CSMD1: variants seen among roughly 807,000 people sequenced by gnomAD.
The protein encoded by CSMD1 is CUB and sushi domain-containing protein 1.
In CSMD1, 213 loss-of-function variants were observed where a neutral mutation model predicts 417.5. That is an observed-to-expected ratio of 0.51 (90% CI 0.46 to 0.57). The LOEUF (loss-of-function observed/expected upper bound fraction) is 0.57, where lower values mean the gene tolerates loss of function less well. Among genes scored for constraint, CSMD1 ranks in the 20% least tolerant of loss-of-function variants. The pLI is 0.00. For synonymous variants in CSMD1, 2,862 were observed against 1,736.8 expected (o/e 1.65, Z -16.11); for missense variants, 6,923 against 4,529.7 (o/e 1.53, Z -15.17).
intron 2 of CSMD1, among the ~76,000 whole-genome samples, chr8:4,597,935 AT>A (rs1337570267): frequency 6.6e-6 from 1 of 152,032 alleles, no homozygotes; most frequent in African/African-American, 2.4e-5. Flanking sequence ...TGCTCTTATA[AT>A]AAACATCATT....
rs1797007366 is a variant in CSMD1, at chr8:3,201,822, A to T, written c.4985-97T>A. On this transcript the variant is annotated intron_variant, in intron 31 of 69. Coordinates refer to ENST00000635120, the MANE Select transcript of CSMD1 (RefSeq NM_033225.6). Reference sequence around the variant, plus strand: ...GAATATCTATTAATTGCCCCAATGGATCATTATCCTAAGAATTTGGTAAAA... The same window carrying T: ...GAATATCTATTAATTGCCCCAATGGTTCATTATCCTAAGAATTTGGTAAAA... 14 of 520,972 alleles carry T rather than the reference A, an allele frequency of 2.7e-5. No individual in the cohort carries two copies. The South Asian group carries it at 3.6e-4, about 13-fold the overall frequency. 32.3% of individuals were successfully genotyped at this position (520,972 alleles called of 1,614,324 possible).
At chr8:3,461,074 C>G (rs769894164) in intron 12 of CSMD1, among the ~76,000 whole-genome samples, 1 of 152,182 alleles carries the variant, frequency 6.6e-6, no homozygotes, top group Non-Finnish European at 1.5e-5. Context: ...CGACTCTTTC[C>G]CTTGCATGGG....
intron 3 of CSMD1, among the ~76,000 whole-genome samples, chr8:4,107,481 G>T (rs1263372619): frequency 6.6e-5 from 10 of 152,194 alleles, no homozygotes; most frequent in Non-Finnish European, 8.8e-5. Context: ...AAGTGAAACG[G>T]ATATTTCAAA....
chr8:4,175,962 C>G (rs1349456840), intron 3 of CSMD1, among the ~76,000 whole-genome samples: 2 of 152,142 alleles, frequency 1.3e-5, no homozygotes, highest in Non-Finnish European at 2.9e-5. Flanking sequence ...CATGGGGCAG[C>G]TGGGCTTCTC....
chr8:4,421,352 T>A (rs1725127), intron 2 of CSMD1, among the ~76,000 whole-genome samples: 2,895 of 152,282 alleles, frequency 0.019, 82 homozygotes, highest in African/African-American at 0.065. Flanking sequence ...ATATTTATAG[T>A]ACACTTTACC....
chr8:3,214,076 C>A (rs1797757862), intron 30 of CSMD1, among the ~76,000 whole-genome samples: 1 of 151,936 alleles, frequency 6.6e-6, no homozygotes. Context: ...GAACTCCTAA[C>A]CTCGCGATCC....
At chr8:2,998,798 CCATCATT>C (rs149305951) in intron 53 of CSMD1, among the ~76,000 whole-genome samples, 91 of 152,254 alleles carry the variant, frequency 6.0e-4, no homozygotes, top group Non-Finnish European at 1.0e-3. Context: ...GGAGAGATAT[CCATCATT>C]CACCCTTTCA....
intron 1 of CSMD1, among the ~76,000 whole-genome samples, chr8:4,942,223 G>C (rs1010894998): frequency 2.0e-5 from 3 of 151,888 alleles, no homozygotes; most frequent in African/African-American, 7.3e-5. Context: ...TATAAACCAG[G>C]CTTCACTCTT....
chr8:3,366,535 T>C (rs1247572275), intron 20 of CSMD1, among the ~76,000 whole-genome samples: 1 of 152,218 alleles, frequency 6.6e-6, no homozygotes, highest in African/African-American at 2.4e-5. Flanking sequence ...GTATTTTTTG[T>C]CATTGCATAT....
intron 3 of CSMD1, among the ~76,000 whole-genome samples, chr8:4,367,013 A>G (rs144529959): frequency 5.3e-5 from 8 of 152,220 alleles, no homozygotes; most frequent in African/African-American, 1.7e-4. Flanking sequence ...TACTCTGTTG[A>G]TAACTTCTTT....
chr8:4,345,728 G>A (rs1313645659), intron 3 of CSMD1, among the ~76,000 whole-genome samples: 2 of 152,030 alleles, frequency 1.3e-5, no homozygotes, highest in African/African-American at 2.4e-5. Flanking sequence ...GAATTATCAA[G>A]AAAATGCAAA....
intron 2 of CSMD1, among the ~76,000 whole-genome samples, chr8:4,477,442 C>A (rs541481674): frequency 2.0e-5 from 3 of 152,180 alleles, no homozygotes; most frequent in Admixed American, 6.5e-5. Context: ...GAAACTGAGT[C>A]TGGTAAAACA....
At chr8:4,402,076 C>G (rs1450949223) in intron 3 of CSMD1, among the ~76,000 whole-genome samples, 1 of 152,060 alleles carries the variant, frequency 6.6e-6, no homozygotes, top group African/African-American at 2.4e-5. Context: ...CCATGGCTTC[C>G]TTTGTTCTCA....
At chr8:4,585,804 T>C (rs1272133020) in intron 2 of CSMD1, among the ~76,000 whole-genome samples, 1 of 152,148 alleles carries the variant, frequency 6.6e-6, no homozygotes, top group African/African-American at 2.4e-5. Context: ...TTAAATTAAA[T>C]CTGAGTAAAT....
intron 3 of CSMD1, among the ~76,000 whole-genome samples, chr8:4,155,060 T>A (rs927567977): frequency 5.3e-5 from 8 of 152,202 alleles, no homozygotes; most frequent in Admixed American, 6.5e-5. Context: ...TTTGTCCTGT[T>A]CCAGGCCCGA....
intron 1 of CSMD1, among the ~76,000 whole-genome samples, chr8:4,985,039 G>C (rs1185153517): frequency 6.6e-6 from 1 of 152,136 alleles, no homozygotes; most frequent in East Asian, 1.9e-4. Context: ...CCATAAAAAA[G>C]AACAAGATCA....
intron 1 of CSMD1, among the ~76,000 whole-genome samples, chr8:4,751,485 T>C (rs1395684905): frequency 6.6e-6 from 1 of 152,166 alleles, no homozygotes; most frequent in Non-Finnish European, 1.5e-5. Flanking sequence ...AAAAGTGTCC[T>C]GGATTTTGTG....
chr8:3,115,629 T>C (rs1278664547), intron 42 of CSMD1, among the ~76,000 whole-genome samples: 1 of 152,238 alleles, frequency 6.6e-6, no homozygotes, highest in East Asian at 1.9e-4. Flanking sequence ...TTTACTTTCA[T>C]AGATATCATA....
At chr8:4,436,193 G>C (rs534901901) in intron 2 of CSMD1, among the ~76,000 whole-genome samples, 34 of 152,116 alleles carry the variant, frequency 2.2e-4, no homozygotes, top group Admixed American at 1.2e-3. Flanking sequence ...ACAGACACTG[G>C]CTTTAGGCTT....
Sources: allele counts gnomAD v4.1 joint callset (sites outside exome capture counted in the v4.1 genomes callset), GRCh38; gene constraint gnomAD v4.1.1; transcripts MANE v1.5; gene names NCBI Gene and HGNC (gene_info 2026-07-23, HGNC 2026-07-21).